The following ENOX1 variants were observed in gnomAD, a reference collection of about 807,000 sequenced individuals.
ENOX1 encodes the protein ecto-NOX disulfide-thiol exchanger 1, also known as candidate growth-related and time keeping constitutive hydroquinone (NADH) oxidase.
ENOX1 carries 42 observed loss-of-function variants against 82.5 expected under a neutral mutation model. That is an observed-to-expected ratio of 0.51 (90% confidence interval 0.40 to 0.66). ENOX1 has a LOEUF of 0.66. ENOX1 is among the 30% of genes least tolerant of loss of function. The pLI is 0.00. For synonymous variants in ENOX1, 271 were observed against 282.2 expected (o/e 0.96, Z 0.40); for missense variants, 608 against 811.6 (o/e 0.75, Z 3.05).
At chr13:43,669,442 A>G (rs1177255173) in intron 1 of ENOX1, among the ~76,000 whole-genome samples, 1 of 151,842 alleles carries the variant, frequency 6.6e-6, no homozygotes, top group Non-Finnish European at 1.5e-5. Flanking sequence ...TCCTATCTCT[A>G]ATTCAACTCC....
chr13:43,443,187 A>G (rs2056449321), intron 3 of ENOX1, among the ~76,000 whole-genome samples: 1 of 152,198 alleles, frequency 6.6e-6, no homozygotes, highest in Non-Finnish European at 1.5e-5. Flanking sequence ...ACATGTTTCC[A>G]GTATAAATCT....
chr13:43,770,989 T>C (rs532054221), intron 1 of ENOX1, among the ~76,000 whole-genome samples: 8 of 152,152 alleles, frequency 5.3e-5, no homozygotes, highest in African/African-American at 1.9e-4. Context: ...AGCCAGGCAC[T>C]CAAATTATTA....
At chr13:43,275,475 CTGTGGGATGGAGGAG>C (rs946839211) in intron 12 of ENOX1, among the ~76,000 whole-genome samples, 1 of 152,010 alleles carries the variant, frequency 6.6e-6, no homozygotes, top group African/African-American at 2.4e-5. Context: ...AGGAGAACTT[CTGTGGGATGGAGGAG>C]TAAGTACCCT....
chr13:43,307,817 C>T (rs182317298), intron 11 of ENOX1, among the ~76,000 whole-genome samples: 10 of 152,342 alleles, frequency 6.6e-5, no homozygotes, highest in Admixed American at 4.6e-4. Flanking sequence ...TCTTTGCAGC[C>T]ATATGTCTGG....
At chr13:43,736,750 GC>G (rs1411548702) in intron 1 of ENOX1, among the ~76,000 whole-genome samples, 1 of 152,164 alleles carries the variant, frequency 6.6e-6, no homozygotes, top group African/African-American at 2.4e-5. Context: ...CCAGGCTGTA[GC>G]AAAAGGCAGG....
At chr13:43,725,977 A>AC in intron 1 of ENOX1, among the ~76,000 whole-genome samples, 1 of 152,004 alleles carries the variant, frequency 6.6e-6, no homozygotes, top group East Asian at 1.9e-4. Context: ...AAAAAAAAAA[A>AC]AGGTTCTGAT....
chr13:43,639,900 G>C (rs1476372657), intron 2 of ENOX1, among the ~76,000 whole-genome samples: 1 of 152,100 alleles, frequency 6.6e-6, no homozygotes, highest in Non-Finnish European at 1.5e-5. Context: ...ATGGTGGTGT[G>C]TGCCTGTAGT....
intron 3 of ENOX1, among the ~76,000 whole-genome samples, chr13:43,414,477 G>T (rs567609270): frequency 2.0e-5 from 3 of 152,248 alleles, no homozygotes; most frequent in East Asian, 3.9e-4. Context: ...ATTATCTTAG[G>T]CTATGGGTGC....
At chr13:43,228,095 CTTTTT>C (rs551861545) in intron 15 of ENOX1, among the ~76,000 whole-genome samples, 9 of 84,716 alleles carry the variant, frequency 1.1e-4, no homozygotes, top group African/African-American at 2.3e-4. Flanking sequence ...CTCTTTGCAG[CTTTTT>C]TTTTTTTTTT....
intron 3 of ENOX1, among the ~76,000 whole-genome samples, chr13:43,443,005 G>C (rs1397058966): frequency 6.6e-6 from 1 of 152,092 alleles, no homozygotes; most frequent in African/African-American, 2.4e-5. Context: ...CTGGAATATA[G>C]AAATGCCTTT....
intron 2 of ENOX1, among the ~76,000 whole-genome samples, chr13:43,604,155 T>C (rs2081873624): frequency 6.6e-6 from 1 of 151,026 alleles, no homozygotes; most frequent in Non-Finnish European, 1.5e-5. Context: ...CGAGCATTTT[T>C]TCATGTGTTT....
At chr13:43,783,243 G>T (rs1025939343) in intron 1 of ENOX1, among the ~76,000 whole-genome samples, 2 of 152,046 alleles carry the variant, frequency 1.3e-5, no homozygotes, top group Non-Finnish European at 2.9e-5. Flanking sequence ...AGAGATTGAA[G>T]GCACAATATA....
intron 15 of ENOX1, among the ~76,000 whole-genome samples, chr13:43,233,847 G>C (rs892561712): frequency 2.0e-5 from 3 of 152,170 alleles, no homozygotes; most frequent in African/African-American, 7.2e-5. Flanking sequence ...GGCTGGCCTA[G>C]AGCATGACTT....
chr13:43,719,467 T>C (rs1442085984), intron 1 of ENOX1, among the ~76,000 whole-genome samples: 1 of 151,900 alleles, frequency 6.6e-6, no homozygotes, highest in Non-Finnish European at 1.5e-5. Flanking sequence ...GCATTCAGGC[T>C]CCCCCTGAAT....
intron 11 of ENOX1, among the ~76,000 whole-genome samples, chr13:43,299,619 T>C (rs902829919): frequency 6.6e-6 from 1 of 152,130 alleles, no homozygotes; most frequent in African/African-American, 2.4e-5. Flanking sequence ...TTACCATCGG[T>C]CCATGTGTTT....
intron 1 of ENOX1, among the ~76,000 whole-genome samples, chr13:43,674,199 C>T (rs2085397148): frequency 6.6e-6 from 1 of 152,164 alleles, no homozygotes; most frequent in Non-Finnish European, 1.5e-5. Flanking sequence ...TATTATGCAG[C>T]AGGAATTGTT....
chr13:43,306,338 CCTTTT>C (rs1036083866), intron 11 of ENOX1, among the ~76,000 whole-genome samples: 8 of 152,320 alleles, frequency 5.3e-5, no homozygotes, highest in African/African-American at 1.7e-4. Flanking sequence ...CCCCACTCTT[CCTTTT>C]CTTTTAATTC....
chr13:43,635,910 C>G (rs927942120), intron 2 of ENOX1, among the ~76,000 whole-genome samples: 1 of 152,156 alleles, frequency 6.6e-6, no homozygotes, highest in Non-Finnish European at 1.5e-5. Flanking sequence ...TTCTCATAAG[C>G]CCTCTCGCAC....
intron 2 of ENOX1, among the ~76,000 whole-genome samples, chr13:43,574,422 C>G (rs905382848): frequency 1.3e-5 from 2 of 152,126 alleles, no homozygotes; most frequent in Admixed American, 6.5e-5. Flanking sequence ...TCAGCCTGAG[C>G]ACTCAATGGC....
Sources: allele counts gnomAD v4.1 joint callset (sites outside exome capture counted in the v4.1 genomes callset), GRCh38; gene constraint gnomAD v4.1.1; transcripts MANE v1.5; gene names NCBI Gene and HGNC (gene_info 2026-07-23, HGNC 2026-07-21).